The following ZNF385D variants were observed in gnomAD, a reference collection of about 807,000 sequenced individuals.
The protein encoded by ZNF385D is zinc finger protein 385D.
A neutral mutation model predicts 35.8 loss-of-function variants in ZNF385D; 15 were observed. The ratio of observed to expected loss-of-function variants is 0.42; its 90% CI spans 0.28 to 0.64. The LOEUF is 0.64. Ranked by LOEUF, ZNF385D falls within the 30% of genes least tolerant of loss-of-function variation. The pLI is 0.23. For synonymous variants in ZNF385D, 212 were observed against 186.8 expected (o/e 1.13, Z -1.10); for missense variants, 474 against 494.6 (o/e 0.96, Z 0.39).
chr3:21,523,208 C>G (rs1708025460), intron 3 of ZNF385D, among the ~76,000 whole-genome samples: 1 of 152,158 alleles, frequency 6.6e-6, no homozygotes, highest in Non-Finnish European at 1.5e-5. Context: ...TGAATTGCAA[C>G]TATCATGGGA....
intron 1 of ZNF385D, among the ~76,000 whole-genome samples, chr3:21,708,372 C>T (rs1459825190): frequency 6.6e-6 from 1 of 152,104 alleles, no homozygotes; most frequent in Admixed American, 6.6e-5. Flanking sequence ...AGTAACTTAC[C>T]CAAGATGGCA....
At chr3:22,201,730 T>G (rs1046766355) in intron 2 of ZNF385D, among the ~76,000 whole-genome samples, 1 of 151,912 alleles carries the variant, frequency 6.6e-6, no homozygotes, top group Non-Finnish European at 1.5e-5. Flanking sequence ...GTTATTAAAA[T>G]GCATACATGC....
At chr3:21,740,469 A>G (rs1325862566) in intron 1 of ZNF385D, among the ~76,000 whole-genome samples, 1 of 152,188 alleles carries the variant, frequency 6.6e-6, no homozygotes. Flanking sequence ...CCAGAACTAT[A>G]TTACTGTGAT....
chr3:22,013,247 T>C (rs973350219), intron 3 of ZNF385D, among the ~76,000 whole-genome samples: 1 of 151,242 alleles, frequency 6.6e-6, no homozygotes, highest in African/African-American at 2.4e-5. Flanking sequence ...TGCTTAAATA[T>C]CCTCTAGATT....
At chr3:22,254,957 G>T (rs1700238929) in intron 2 of ZNF385D, among the ~76,000 whole-genome samples, 1 of 151,814 alleles carries the variant, frequency 6.6e-6, no homozygotes, top group South Asian at 2.1e-4. Context: ...TGAACTAAGG[G>T]ATAATTCATG....
At chr3:22,034,939 A>G (rs970899906) in intron 3 of ZNF385D, among the ~76,000 whole-genome samples, 8 of 152,348 alleles carry the variant, frequency 5.3e-5, no homozygotes, top group African/African-American at 1.9e-4. Flanking sequence ...TTCATGATTT[A>G]CATGTCAAAT....
chr3:21,938,594 T>C (rs1157670856), intron 3 of ZNF385D, among the ~76,000 whole-genome samples: 2 of 152,182 alleles, frequency 1.3e-5, no homozygotes, highest in Admixed American at 6.5e-5. Flanking sequence ...TAAGCATGTC[T>C]ACAATTTGGC....
intron 3 of ZNF385D, among the ~76,000 whole-genome samples, chr3:22,004,660 CT>C (rs1309574308): frequency 6.6e-6 from 1 of 152,128 alleles, no homozygotes; most frequent in Non-Finnish European, 1.5e-5. Flanking sequence ...AAGGAATTTC[CT>C]TGTGGACAAA....
In ZNF385D at chr3:21,737,521, C is replaced by T. The variant is rs567876872; in HGVS notation, c.22+13374G>A. 5.9e-5 allele frequency among the ~76,000 whole-genome samples: 9 copies of T among 151,544 alleles called. No individual in the cohort carries two copies. The East Asian group carries it at 1.8e-3, about 29-fold the overall frequency. ...TAAGATAGATAGATACGTATGTATA[C>T]GAAATATATACACACACTCCCTTCC... is the stretch of plus-strand genomic sequence containing the variant. On this transcript the variant is annotated intron_variant, in intron 1 of 7. Transcript: ENST00000281523.
At chr3:21,810,364 G>A (rs984897414) in intron 3 of ZNF385D, among the ~76,000 whole-genome samples, 2 of 151,728 alleles carry the variant, frequency 1.3e-5, no homozygotes, top group African/African-American at 2.4e-5. Flanking sequence ...ATGTGTGTCT[G>A]GGGCCTGTCG....
At chr3:21,581,586 A>T (rs2063665510) in intron 2 of ZNF385D, among the ~76,000 whole-genome samples, 1 of 152,180 alleles carries the variant, frequency 6.6e-6, no homozygotes, top group Admixed American at 6.5e-5. Context: ...ACCCTAGTCG[A>T]TTGTCAATCA....
chr3:21,417,487 C>G lies in ZNF385D; in HGVS notation c.*3727G>C, dbSNP rs1700578753. 1 of 152,060 alleles carries G rather than the reference C, an allele frequency of 6.6e-6. No individual in the cohort carries two copies. Among genetic ancestry groups the G allele is most frequent in the Admixed American group, 6.6e-5 (1 of 15,250 alleles). 9.4% of individuals were successfully genotyped at this position (152,060 alleles called of 1,614,324 possible). On this transcript the variant is annotated 3_prime_UTR_variant, in exon 8 of 8. Transcript: ENST00000281523. The stretch of plus-strand genomic sequence containing the variant: ...GGTAATTTTCTACTTCAATTCAGAT[C>G]TAAAGAAACAGGCCTATATACCACT...
At chr3:21,923,349 CA>C (rs1700570425) in intron 3 of ZNF385D, among the ~76,000 whole-genome samples, 1 of 151,884 alleles carries the variant, frequency 6.6e-6, no homozygotes, top group Non-Finnish European at 1.5e-5. Context: ...ATGAAAAAGT[CA>C]AAAAACAACG....
chr3:21,923,788 T>C (rs1004421356), intron 3 of ZNF385D, among the ~76,000 whole-genome samples: 24 of 152,080 alleles, frequency 1.6e-4, no homozygotes, highest in Non-Finnish European at 3.5e-4. Flanking sequence ...TTCTCACCTA[T>C]AAGTGGAAGC....
chr3:21,820,111 CT>C (rs1473062402), intron 3 of ZNF385D, among the ~76,000 whole-genome samples: 1 of 151,362 alleles, frequency 6.6e-6, no homozygotes, highest in Non-Finnish European at 1.5e-5. Flanking sequence ...ATTTAATAAG[CT>C]TTATCTAATG....
intron 3 of ZNF385D, among the ~76,000 whole-genome samples, chr3:22,049,606 G>C (rs901769515): frequency 6.6e-6 from 1 of 152,082 alleles, no homozygotes. Flanking sequence ...AATCTTAGAG[G>C]AAAAGCTTTC....
At chr3:22,067,553 C>G (rs1049622219) in intron 3 of ZNF385D, among the ~76,000 whole-genome samples, 2 of 152,182 alleles carry the variant, frequency 1.3e-5, no homozygotes, top group Non-Finnish European at 2.9e-5. Context: ...CCCATTTCCT[C>G]TCTTTCTAAT....
chr3:22,261,924 G>T (rs954292546), intron 2 of ZNF385D, among the ~76,000 whole-genome samples: 10 of 151,632 alleles, frequency 6.6e-5, no homozygotes, highest in African/African-American at 2.4e-4. Context: ...TTTTTTTGTT[G>T]TTGTTGTTGT....
At chr3:21,558,599 A>C (rs1199547402) in intron 3 of ZNF385D, among the ~76,000 whole-genome samples, 1 of 152,166 alleles carries the variant, frequency 6.6e-6, no homozygotes, top group Non-Finnish European at 1.5e-5. Flanking sequence ...AATAAGAGCA[A>C]TGAGTTGCTG....
Sources: allele counts gnomAD v4.1 joint callset (sites outside exome capture counted in the v4.1 genomes callset), GRCh38; gene constraint gnomAD v4.1.1; transcripts MANE v1.5; gene names NCBI Gene and HGNC (gene_info 2026-07-23, HGNC 2026-07-21).